Variants in RPS12 observed in about 807,000 individuals in gnomAD.
RPS12 encodes the protein ribosomal protein S12.
Under a neutral mutation model 17.2 loss-of-function variants are expected in RPS12, and 1 was observed. The ratio of observed to expected loss-of-function variants is 0.06; its 90% CI spans 0.02 to 0.28. The LOEUF is 0.28. Ranked by LOEUF, RPS12 falls within the 10% of genes least tolerant of loss-of-function variation. RPS12 has a pLI of 1.00. For missense variants in RPS12, 146 were observed against 162.1 expected (o/e 0.90, Z 0.54); for synonymous variants, 67 against 54.0 (o/e 1.24, Z -1.06).
intron 3 of RPS12, 44 bp downstream of exon 3, chr6:132,815,132 C>A: frequency 8.2e-7 from 1 of 1,216,066 alleles, no homozygotes; most frequent in Non-Finnish European, 1.2e-6. Context: ...GCAACCGGAA[C>A]AAAACTGCCA....
In RPS12 at chr6:132,814,972, C is replaced by T. The variant is rs773002135; in HGVS notation, c.15C>T (p.Gly5=). MAEE[G]IAAGGVMDVN... is the part of the protein sequence containing the mutation. ...ATGGTTCTGATGTGTCGCGTTTAAG[C>T]ATTGCTGCTGGAGGTGTAATGGACG... is the stretch of plus-strand genomic sequence containing the variant. The change falls in exon 3 of 6, where the codon GGC becomes GGT. Residue 5 remains glycine (G), a splice_region_variant and synonymous_variant. Coordinates refer to ENST00000230050, the MANE Select transcript of RPS12 (RefSeq NM_001016.4). 3.8e-6 allele frequency: 6 copies of T among 1,599,040 alleles called. No individual in the cohort carries two copies. The highest frequency in any genetic ancestry group is 1.7e-4 in the Middle Eastern group (1 of 6,012).
chr6:132,814,713 CA>C lies in RPS12; in HGVS notation c.-37-17del. 3 of 1,598,914 alleles carry C rather than the reference CA, an allele frequency of 1.9e-6. No individual in the cohort carries two copies. The highest frequency in any genetic ancestry group is 2.6e-6 in the Non-Finnish European group (3 of 1,166,982). ...ACGAGTATCTGGTTCTTTAACAAGT[CA>C]ATGCTTTTGTTTTTTAGTGCGTTCA... On this transcript the variant is annotated intron_variant, in intron 1 of 5. Transcript: ENST00000230050.
At position 132,815,095 on chromosome 6, in the gene RPS12, G is replaced by T; in HGVS notation, c.131+7G>T. 3 of 1,568,408 alleles carry T rather than the reference G, an allele frequency of 1.9e-6. No individual in the cohort carries two copies. The highest frequency in any genetic ancestry group is 2.6e-6 in the Non-Finnish European group (3 of 1,138,430). On this transcript the variant is annotated splice_region_variant and intron_variant, in intron 3 of 5. Transcript: ENST00000230050. ...CTGCCAAAGCCTTAGACAAGTACGT[G>T]TATCAGTCTCAATACTGTGGGTTCT...
chr6:132,817,375 T>A (rs781235727), intron 5 of RPS12, 105 bp from the exon 6 acceptor site: 21 of 859,804 alleles, frequency 2.4e-5, no homozygotes. Context: ...AACATTTTTA[T>A]AAGACATAGC....
chr6:132,816,513 G>A lies in RPS12; in HGVS notation c.184G>A (p.Val62Ile). The change falls in exon 4 of 6, where the codon GTC becomes ATC. Residue 62 changes from valine to isoleucine, a missense_variant. This residue lies in a region of RPS12 where 117 missense variants were observed against 104.6 expected (regional missense o/e 1.12). Coordinates refer to ENST00000230050, the MANE Select transcript of RPS12 (RefSeq NM_001016.4). ...ATCCAACTGTGATGAGCCTATGTAT[G>A]TCAAGTTGGTGGAGGCCCTTTGTGC... ...LASNCDEPMY[V>I]KLVEALCAEH... is the part of the protein sequence containing the mutation. 6.2e-7 allele frequency: 1 copy of A among 1,606,222 alleles called. No homozygotes were observed. The highest frequency in any genetic ancestry group is 1.1e-5 in the South Asian group (1 of 91,080).
rs1205823442 is a variant in RPS12 at position 132,814,713 on chromosome 6, C to T, written c.-37-19C>T. ...ACGAGTATCTGGTTCTTTAACAAGT[C>T]AATGCTTTTGTTTTTTAGTGCGTTC... On this transcript the variant is annotated intron_variant, in intron 1 of 5. Coordinates refer to ENST00000230050, the MANE Select transcript of RPS12 (RefSeq NM_001016.4). The T allele has an allele frequency of 1.5e-5, 24 of 1,598,794 alleles. No individual in the cohort carries two copies. Among genetic ancestry groups the T allele is most frequent in the Non-Finnish European group, 2.1e-5 (24 of 1,166,988 alleles).
intron 3 of RPS12, chr6:132,815,303 C>T (rs1582886606): frequency 1.4e-6 from 1 of 728,394 alleles, no homozygotes; most frequent in Non-Finnish European, 2.5e-6. Context: ...CTCAAAACTA[C>T]AGTGTTTGAA....
rs1782092349 is a variant in RPS12, at chr6:132,817,544, G to A, written c.*2G>A. 6.2e-7 allele frequency: 1 copy of A among 1,609,610 alleles called. No homozygotes were observed. The highest frequency in any genetic ancestry group is 8.5e-7 in the Non-Finnish European group (1 of 1,177,994). On this transcript the variant is annotated 3_prime_UTR_variant, in exon 6 of 6. Transcript: ENST00000230050. Reference sequence around the variant, plus strand: ...GAGTATTTCAAATGCAAGAAATGAAGAAATAAATCTTTGGCTCACATTCCT... The same window carrying A: ...GAGTATTTCAAATGCAAGAAATGAAAAAATAAATCTTTGGCTCACATTCCT...
intron 5 of RPS12, 198 bp downstream of exon 5, chr6:132,817,259 A>G: frequency 1.3e-6 from 1 of 772,998 alleles, no homozygotes; most frequent in East Asian, 2.4e-5. Context: ...GTGTTTGTGC[A>G]GACATACTTT....
rs748840163 is a variant in RPS12 at position 132,814,956 on chromosome 6, A to G, written c.15-16A>G. 4 of 1,546,730 alleles carry G rather than the reference A, an allele frequency of 2.6e-6. No individual in the cohort carries two copies. Among genetic ancestry groups the G allele is most frequent in the African/African-American group, 2.7e-5 (2 of 73,406 alleles). On this transcript the variant is annotated splice_polypyrimidine_tract_variant and intron_variant, in intron 2 of 5. Transcript: ENST00000230050. ...GTGAGGATTTTAACTGATGGTTCTG[A>G]TGTGTCGCGTTTAAGCATTGCTGCT... is the stretch of plus-strand genomic sequence containing the variant.
In RPS12 at chr6:132,814,571, C is replaced by T. The variant is rs562408306; in HGVS notation, c.-80C>T. On this transcript the variant is annotated 5_prime_UTR_variant, in exon 1 of 6. Coordinates refer to ENST00000230050, the MANE Select transcript of RPS12 (RefSeq NM_001016.4). Reference sequence around the variant, plus strand: ...ACCGGCATGCGTGCGGATGAGGCCTCTTTCCCTGCCGCCGCCGAGTCGCGC... The same window carrying T: ...ACCGGCATGCGTGCGGATGAGGCCTTTTTCCCTGCCGCCGCCGAGTCGCGC... The T allele has an allele frequency of 6.1e-4, 451 of 735,610 alleles. 3 individuals are homozygous for T. Among genetic ancestry groups the T allele is most frequent in the African/African-American group, 4.8e-3 (278 of 57,978 alleles). 45.6% of individuals were successfully genotyped at this position (735,610 alleles called of 1,614,324 possible).
intron 2 of RPS12, 37 bp from the exon 3 acceptor site, chr6:132,814,934 AG>A: frequency 6.8e-7 from 1 of 1,476,294 alleles, no homozygotes; most frequent in Middle Eastern, 1.7e-4. Context: ...ATGTGGTGTG[AG>A]GATTTTAACT....
At chr6:132,815,440 C>T (rs1782026888) in intron 3 of RPS12, 3 of 497,836 alleles carry the variant, frequency 6.0e-6, no homozygotes, top group Admixed American at 4.5e-5. Context: ...GATGGAGAGC[C>T]ACATTACATC....
Position 132,814,747 on chromosome 6 carries a change from A to G in RPS12, c.-22A>G, listed in dbSNP as rs9483504. ...TGTTTTTTAGTGCGTTCAAGATTCAACTTCACCCGTAACCCACCGCCATGG... is the reference window on the plus strand; with the variant it reads ...TGTTTTTTAGTGCGTTCAAGATTCAGCTTCACCCGTAACCCACCGCCATGG... On this transcript the variant is annotated 5_prime_UTR_variant, in exon 2 of 6. Coordinates refer to ENST00000230050, the MANE Select transcript of RPS12 (RefSeq NM_001016.4). 0.46 allele frequency: 734,566 copies of G among 1,604,680 alleles called. 174,609 individuals are homozygous for G. Among genetic ancestry groups the G allele is most frequent in the African/African-American group, 0.74 (55,394 of 74,764 alleles).
intron 3 of RPS12, chr6:132,815,736 A>C (rs1229839198): frequency 2.2e-6 from 1 of 456,634 alleles, no homozygotes; most frequent in Non-Finnish European, 4.4e-6. Flanking sequence ...ATTATTGTTT[A>C]ATGTATTTAG....
At chr6:132,815,812 C>G (rs551134537) in intron 3 of RPS12, 1 of 451,118 alleles carries the variant, frequency 2.2e-6, no homozygotes, top group East Asian at 7.0e-5. Flanking sequence ...CATAACTGTT[C>G]CATTAATGCC....
intron 3 of RPS12, 75 bp from the exon 4 acceptor site, chr6:132,816,386 A>G: frequency 1.8e-6 from 2 of 1,091,538 alleles, no homozygotes; most frequent in Non-Finnish European, 1.4e-6. Flanking sequence ...GTGCAAAGAT[A>G]ACCCTCCTAA....
At chr6:132,815,325 A>G (rs1402305107) in intron 3 of RPS12, 1 of 695,536 alleles carries the variant, frequency 1.4e-6, no homozygotes, top group Admixed American at 1.8e-5. Context: ...GATGACTTTA[A>G]TTGTCGGATA....
chr6:132,815,027 A>T lies in RPS12; in HGVS notation c.70A>T (p.Thr24Ser). ...TACTGCTTTACAAGAGGTTCTGAAGACTGCCCTCATCCACGATGGCCTAGC... is the reference window on the plus strand; with the variant it reads ...TACTGCTTTACAAGAGGTTCTGAAGTCTGCCCTCATCCACGATGGCCTAGC... ...VNTALQEVLK[T>S]ALIHDGLARG... Residue 24 changes from threonine to serine, a missense_variant, in exon 3 of 6, where the codon ACT becomes TCT. Thr to Ser is a moderately conservative substitution (Grantham distance 58). Transcript: ENST00000230050. 2.5e-6 allele frequency: 4 copies of T among 1,613,900 alleles called. No homozygotes were observed. The highest frequency in any genetic ancestry group is 3.4e-6 in the Non-Finnish European group (4 of 1,179,822).
Sources: allele counts gnomAD v4.1 joint callset, GRCh38; gene constraint gnomAD v4.1.1; regional missense constraint gnomAD v4.1.1; transcripts MANE v1.5; gene names NCBI Gene and HGNC (gene_info 2026-07-23, HGNC 2026-07-21).